The following DLG2 variants were observed in gnomAD, a reference collection of about 807,000 sequenced individuals.
DLG2 encodes discs large MAGUK scaffold protein 2.
A neutral mutation model predicts 132.5 loss-of-function variants in DLG2; 45 were observed. The observed-to-expected ratio is 0.34, with a 90% confidence interval of 0.27 to 0.44. The LOEUF is 0.44. Among genes scored for constraint, DLG2 ranks in the 20% least tolerant of loss-of-function variants. The pLI is 1.00. For synonymous variants in DLG2, 424 were observed against 419.6 expected, an observed-to-expected ratio of 1.01 and a Z score of -0.13; for missense variants, 1,045 against 1,196.9, an observed-to-expected ratio of 0.87 and a Z score of 1.87.
intron 21 of DLG2, among the ~76,000 whole-genome samples, chr11:83,510,740 G>T (rs2094961767): frequency 6.8e-6 from 1 of 147,432 alleles, no homozygotes; most frequent in Non-Finnish European, 1.5e-5. Context: ...AGTAGACTGT[G>T]TTTTCTATGA....
intron 6 of DLG2, among the ~76,000 whole-genome samples, chr11:84,695,395 T>G (rs766572963): frequency 6.6e-5 from 10 of 151,626 alleles, no homozygotes; most frequent in African/African-American, 2.4e-4. Context: ...TGAATCATAA[T>G]AATCCTAAAC....
At chr11:85,266,423 C>T (rs971884808) in intron 4 of DLG2, among the ~76,000 whole-genome samples, 2 of 151,992 alleles carry the variant, frequency 1.3e-5, no homozygotes, top group African/African-American at 4.8e-5. Context: ...AACACATAGA[C>T]ACAGGGAGGG....
chr11:83,750,398 C>G (rs891744027), intron 18 of DLG2, among the ~76,000 whole-genome samples: 2 of 152,136 alleles, frequency 1.3e-5, no homozygotes, highest in Non-Finnish European at 2.9e-5. Context: ...GCAGAGTCTT[C>G]TGGTTAATCA....
chr11:85,401,268 G>A (rs2088069472), intron 3 of DLG2, among the ~76,000 whole-genome samples: 1 of 152,066 alleles, frequency 6.6e-6, no homozygotes, highest in South Asian at 2.1e-4. Flanking sequence ...TGCAGAAAAG[G>A]CCTTTGACAA....
intron 7 of DLG2, among the ~76,000 whole-genome samples, chr11:84,274,730 T>C (rs1420389975): frequency 1.3e-5 from 2 of 152,252 alleles, no homozygotes; most frequent in African/African-American, 4.8e-5. Context: ...TTGTAAATTT[T>C]ACCTAATTTG....
intron 18 of DLG2, among the ~76,000 whole-genome samples, chr11:83,675,087 T>C (rs918613162): frequency 6.6e-6 from 1 of 152,336 alleles, no homozygotes; most frequent in African/African-American, 2.4e-5. Flanking sequence ...CAAAGTGTAG[T>C]TAATTAAATT....
intron 7 of DLG2, among the ~76,000 whole-genome samples, chr11:84,385,129 T>G (rs2098764279): frequency 6.6e-6 from 1 of 152,114 alleles, no homozygotes. Context: ...CAATCATTTC[T>G]GTAACATTTA....
intron 16 of DLG2, among the ~76,000 whole-genome samples, chr11:83,837,587 C>T (rs779644818): frequency 4.3e-4 from 65 of 151,680 alleles, no homozygotes; most frequent in Non-Finnish European, 7.4e-4. Context: ...AAAAGTTTTC[C>T]GGTTCTATTA....
intron 14 of DLG2, among the ~76,000 whole-genome samples, chr11:83,956,832 G>A (rs1285214394): frequency 6.6e-6 from 1 of 152,122 alleles, no homozygotes. Context: ...CATAAACCTT[G>A]AGCCATTATT....
chr11:85,233,794 C>T (rs1377097409), intron 4 of DLG2, among the ~76,000 whole-genome samples: 2 of 149,350 alleles, frequency 1.3e-5, no homozygotes, highest in Non-Finnish European at 1.5e-5. Context: ...GCTGTTGTGA[C>T]TATGTGTGTG....
At chr11:85,107,578 C>T (rs925433132) in intron 6 of DLG2, among the ~76,000 whole-genome samples, 2 of 151,978 alleles carry the variant, frequency 1.3e-5, no homozygotes, top group Admixed American at 1.3e-4. Flanking sequence ...ATTCAGAGAG[C>T]TATCATTCTT....
chr11:83,766,942 G>A (rs775468902), intron 18 of DLG2, among the ~76,000 whole-genome samples: 5 of 152,116 alleles, frequency 3.3e-5, no homozygotes, highest in South Asian at 2.1e-4. Context: ...CAAAGCCAGC[G>A]ATGCCCTGTA....
At chr11:84,026,035 G>A (rs2095527138) in intron 11 of DLG2, among the ~76,000 whole-genome samples, 1 of 152,104 alleles carries the variant, frequency 6.6e-6, no homozygotes, top group South Asian at 2.1e-4. Flanking sequence ...AAATTGAAAT[G>A]AGTAGGCTGA....
In DLG2 at chr11:85,616,592, AAAAACCTAAGCCCTCAG is replaced by A. The variant is rs1210894610; in HGVS notation, c.-93+9978_-93+9994del. Among the ~76,000 whole-genome samples the A allele has an allele frequency of 2.6e-5, 4 of 152,244 alleles. No homozygotes were observed. The East Asian group carries it at 7.7e-4, about 29-fold the overall frequency. ...TTCAGTAATTCCAGTTTTGCTTTCT[AAAAACCTAAGCCCTCAG>A]AATAAAATAAGAGTTTGTCAGAGAT... On this transcript the variant is annotated intron_variant, in intron 2 of 27. Coordinates refer to ENST00000376104, the MANE Select transcript of DLG2 (RefSeq NM_001142699.3).
intron 6 of DLG2, among the ~76,000 whole-genome samples, chr11:84,817,433 G>A (rs2077195580): frequency 2.6e-5 from 4 of 151,872 alleles, no homozygotes; most frequent in Non-Finnish European, 5.9e-5. Flanking sequence ...TTTCAATCCA[G>A]GAAGAGCTCT....
chr11:84,379,757 G>T (rs1378217442), intron 7 of DLG2, among the ~76,000 whole-genome samples: 1 of 150,704 alleles, frequency 6.6e-6, no homozygotes, highest in Non-Finnish European at 1.5e-5. Context: ...TTCAGTAATG[G>T]AAAATAGGAA....
intron 6 of DLG2, among the ~76,000 whole-genome samples, chr11:84,610,607 C>A (rs2099593736): frequency 6.6e-6 from 1 of 152,074 alleles, no homozygotes; most frequent in African/African-American, 2.4e-5. Context: ...CCTGAACCAC[C>A]AGGTCAATGG....
intron 7 of DLG2, 120 bp downstream of exon 7, chr11:84,534,450 C>A: frequency 9.9e-7 from 1 of 1,013,352 alleles, no homozygotes; most frequent in African/African-American, 1.6e-5. Context: ...CCTTTGGCAA[C>A]CCGTGTCCTC....
intron 5 of DLG2, among the ~76,000 whole-genome samples, chr11:85,132,011 T>C (rs1008039048): frequency 6.6e-6 from 1 of 152,202 alleles, no homozygotes; most frequent in Admixed American, 6.5e-5. Context: ...ATATTAGGAA[T>C]ATCTATTCAA....
Sources: gnomAD v4.1 joint callset for allele counts (sites outside exome capture counted in the v4.1 genomes callset) on GRCh38, gnomAD v4.1.1 for gene constraint, MANE v1.5 for transcripts, NCBI Gene and HGNC (gene_info 2026-07-23, HGNC 2026-07-21) for gene names.